RASA1: variants seen among roughly 807,000 people sequenced by gnomAD.
RASA1 encodes RAS p21 protein activator 1.
A neutral mutation model predicts 132.2 loss-of-function variants in RASA1; 25 were observed. The observed-to-expected ratio is 0.19, with a 90% confidence interval of 0.14 to 0.26. The LOEUF is 0.26. Ranked by LOEUF, RASA1 falls within the 10% of genes least tolerant of loss-of-function variation. The pLI, the probability that RASA1 is intolerant of heterozygous loss-of-function variation, is 1.00. For synonymous variants in RASA1, 477 were observed against 449.9 expected (o/e 1.06, Z -0.76); for missense variants, 964 against 1,299.2 (o/e 0.74, Z 3.97).
At chr5:87,356,538 C>T (rs1759665526) in intron 9 of RASA1, among the ~76,000 whole-genome samples, 1 of 152,056 alleles carries the variant, frequency 6.6e-6, no homozygotes, top group African/African-American at 2.4e-5. Context: ...TGCAGGTGTA[C>T]ACCACCGTGC....
intron 1 of RASA1, among the ~76,000 whole-genome samples, chr5:87,297,424 G>A (rs1313821389): frequency 1.3e-5 from 2 of 152,168 alleles, no homozygotes; most frequent in African/African-American, 2.4e-5. Context: ...TCTAGTATTA[G>A]GTCCCAGTTT....
In RASA1 at chr5:87,301,240, A is replaced by G. The variant is rs1755348020; in HGVS notation, c.540-30108A>G. On this transcript the variant is annotated intron_variant, in intron 1 of 24. Transcript: ENST00000274376. Reference sequence around the variant, plus strand: ...ATATGTATAATTACATATAATATATATGCACATACTAATTTTAAAGCATGC... The same window carrying G: ...ATATGTATAATTACATATAATATATGTGCACATACTAATTTTAAAGCATGC... 2.0e-5 allele frequency among the ~76,000 whole-genome samples: 3 copies of G among 152,230 alleles called. No individual in the cohort carries two copies. The South Asian group carries it at 6.2e-4, about 31-fold the overall frequency.
Position 87,331,489 on chromosome 5 carries a change from C to T in RASA1, c.681C>T (p.Val227=). ...CATTTCTTAGCCAGATGAATGTTGTCAACCATTTTAGGTAAGTCTTTATTC... is the reference window on the plus strand; with the variant it reads ...CATTTCTTAGCCAGATGAATGTTGTTAACCATTTTAGGTAAGTCTTTATTC... ...VLSFLSQMNV[V]NHFRIIAMCG... is the part of the protein sequence containing the mutation. Residue 227 remains valine, a synonymous_variant, in exon 2 of 25, where the codon GTC becomes GTT. Coordinates refer to ENST00000274376, the MANE Select transcript of RASA1 (RefSeq NM_002890.3). The T allele has an allele frequency of 1.2e-6, 2 of 1,613,732 alleles. No individual in the cohort carries two copies. Among genetic ancestry groups the T allele is most frequent in the Non-Finnish European group, 1.7e-6 (2 of 1,179,770 alleles).
At chr5:87,311,793 C>A (rs1166480485) in intron 1 of RASA1, among the ~76,000 whole-genome samples, 6 of 152,210 alleles carry the variant, frequency 3.9e-5, no homozygotes, top group Non-Finnish European at 8.8e-5. Context: ...CAGACTGATA[C>A]TGCATGGACC....
intron 9 of RASA1, among the ~76,000 whole-genome samples, chr5:87,360,699 GAAGT>G (rs1335667116): frequency 3.3e-5 from 5 of 152,116 alleles, no homozygotes; most frequent in Non-Finnish European, 1.5e-5. Context: ...CAGGATAATA[GAAGT>G]AATATGGTTC....
At chr5:87,374,351 T>C (rs1000224192) in intron 14 of RASA1, 31 bp downstream of exon 14, 5 of 1,577,132 alleles carry the variant, frequency 3.2e-6, no homozygotes, top group Non-Finnish European at 4.3e-6. Flanking sequence ...ACATTAATCA[T>C]TTTCTTTTAC....
At position 87,391,148 on chromosome 5, in the gene RASA1, C is replaced by T; in HGVS notation, c.*265C>T. On this transcript the variant is annotated 3_prime_UTR_variant, in exon 25 of 25. Coordinates refer to ENST00000274376, the MANE Select transcript of RASA1 (RefSeq NM_002890.3). ...GAGCCTTGGTGTACAGACCACCTTT[C>T]ACAAAACGAAATGCTATGACTGTAT... 1.8e-6 allele frequency: 1 copy of T among 569,180 alleles called. No homozygotes were observed. The highest frequency in any genetic ancestry group is 2.9e-5 in the East Asian group (1 of 34,700). 35.3% of individuals were successfully genotyped at this position (569,180 alleles called of 1,614,324 possible). A position where few individuals can be genotyped will look rare whatever the true frequency, so the allele number is the denominator to read the frequency against.
intron 5 of RASA1, among the ~76,000 whole-genome samples, chr5:87,340,169 C>A (rs187986712): frequency 6.6e-6 from 1 of 152,180 alleles, no homozygotes; most frequent in East Asian, 1.9e-4. Context: ...GACATTCTTG[C>A]CCTGATAGAT....
intron 1 of RASA1, among the ~76,000 whole-genome samples, chr5:87,270,455 C>A (rs1319833060): frequency 6.7e-6 from 1 of 149,626 alleles, no homozygotes; most frequent in Non-Finnish European, 1.5e-5. Flanking sequence ...TCAAGAGATT[C>A]TCCTGCTTCA....
At chr5:87,344,678 A>ATTTT (rs113174684) in intron 6 of RASA1, among the ~76,000 whole-genome samples, 3 of 131,208 alleles carry the variant, frequency 2.3e-5, no homozygotes, top group Non-Finnish European at 3.3e-5. Context: ...AAATGTTGTA[A>ATTTT]TTTTTTTTTT....
In RASA1 at chr5:87,283,757, A is replaced by C. The variant is rs112100384; in HGVS notation, c.539+14767A>C. Among the ~76,000 whole-genome samples, 12 of 152,236 alleles carry C rather than the reference A, an allele frequency of 7.9e-5. 3 individuals are homozygous for C. The highest frequency in any genetic ancestry group is 2.9e-4 in the African/African-American group (12 of 41,552). On this transcript the variant is annotated intron_variant, in intron 1 of 24. Transcript: ENST00000274376. ...TTTTGACCCCTAAGTCTATTTAACT[A>C]CTATGCTACATTCCCACTTCTGTTT...
intron 3 of RASA1, among the ~76,000 whole-genome samples, chr5:87,332,994 A>T (rs1757705638): frequency 6.6e-6 from 1 of 152,128 alleles, no homozygotes; most frequent in Non-Finnish European, 1.5e-5. Context: ...AGGTTAATGT[A>T]TATGTTTCAT....
At chr5:87,366,529 G>A (rs1760531130) in intron 11 of RASA1, 2 of 201,030 alleles carry the variant, frequency 9.9e-6, no homozygotes, top group South Asian at 1.6e-4. Flanking sequence ...TGTCTGGTAG[G>A]GGGAAAGCAA....
Position 87,268,474 on chromosome 5 carries a change from G to T in RASA1, c.23G>T (p.Ser8Ile), listed in dbSNP as rs1479481218. ...AACATGATGGCGGCCGAGGCCGGCAGTGAGGAGGGCGGCCCGGTAACAGCC... is the reference window on the plus strand; with the variant it reads ...AACATGATGGCGGCCGAGGCCGGCATTGAGGAGGGCGGCCCGGTAACAGCC... MMAAEAGSEEGGPVTAGA... is the reference protein window; with the variant it reads MMAAEAGIEEGGPVTAGA... Residue 8 changes from serine to isoleucine, a missense_variant, in exon 1 of 25, where the codon AGT (serine) becomes ATT (isoleucine). By Grantham distance (142) the Ser-to-Ile change is moderately radical (BLOSUM62 -2). This residue lies in a region of RASA1 where 326 missense variants were observed against 275.8 expected (regional missense o/e 1.18). Transcript: ENST00000274376. 3 of 1,552,610 alleles carry T rather than the reference G, an allele frequency of 1.9e-6. No individual in the cohort carries two copies. Among genetic ancestry groups the T allele is most frequent in the Non-Finnish European group, 1.7e-6 (2 of 1,148,866 alleles).
intron 1 of RASA1, among the ~76,000 whole-genome samples, chr5:87,324,562 AAT>A (rs1757075356): frequency 6.6e-6 from 1 of 152,176 alleles, no homozygotes; most frequent in Non-Finnish European, 1.5e-5. Context: ...GGATTCTGTA[AAT>A]ATGTTACCTG....
At chr5:87,338,945 A>G (rs912825897) in intron 5 of RASA1, among the ~76,000 whole-genome samples, 1 of 152,072 alleles carries the variant, frequency 6.6e-6, no homozygotes, top group Non-Finnish European at 1.5e-5. Context: ...TGCATTTTTA[A>G]TAACAGGTCA....
chr5:87,341,575 T>TTATA (rs1423414447), intron 6 of RASA1, among the ~76,000 whole-genome samples: 1 of 152,136 alleles, frequency 6.6e-6, no homozygotes, highest in Admixed American at 6.5e-5. Flanking sequence ...AACACTACAT[T>TTATA]TATAACATTA....
Position 87,389,248 on chromosome 5 carries a change from T to C in RASA1, c.2926-145T>C, listed in dbSNP as rs536719802. The C allele has an allele frequency of 2.3e-5, 23 of 991,420 alleles. No individual in the cohort carries two copies. In the South Asian group the frequency reaches 3.3e-4, roughly 14 times the overall value. The allele number at this position is 991,420 out of a possible 1,614,324, so 61.4% of individuals were successfully genotyped here. A position where few individuals can be genotyped will look rare whatever the true frequency, so the allele number is the denominator to read the frequency against. On this transcript the variant is annotated intron_variant, in intron 23 of 24. Transcript: ENST00000274376. ...TGGGAGGCTGAGGCAGGAGAATCGC[T>C]TGAACCCGGGAGGCGGAGGTTGCAG...
At chr5:87,281,725 C>T (rs994028860) in intron 1 of RASA1, among the ~76,000 whole-genome samples, 17 of 151,862 alleles carry the variant, frequency 1.1e-4, no homozygotes, top group East Asian at 3.9e-4. Flanking sequence ...GGATTACAGG[C>T]GCATGCCACC....
Sources: gnomAD v4.1 joint callset for allele counts (sites outside exome capture counted in the v4.1 genomes callset) on GRCh38, gnomAD v4.1.1 for gene constraint, gnomAD v4.1.1 regional missense constraint, MANE v1.5 for transcripts, NCBI Gene and HGNC (gene_info 2026-07-23, HGNC 2026-07-21) for gene names.